The following COL27A1 variants were observed in gnomAD, a reference collection of about 807,000 sequenced individuals.
COL27A1 encodes collagen type XXVII alpha 1 chain.
A neutral mutation model predicts 251.3 loss-of-function variants in COL27A1; 106 were observed. That is an observed-to-expected ratio of 0.42 (90% CI 0.36 to 0.50). COL27A1 has a LOEUF of 0.50. Among genes scored for constraint, COL27A1 ranks in the 20% least tolerant of loss-of-function variants. The probability of loss-of-function intolerance (pLI) is 0.00; values close to 1 mark genes in which losing one functional copy is unlikely to be tolerated. For missense variants in COL27A1, 2,325 were observed against 2,522.8 expected, an observed-to-expected ratio of 0.92 and a Z score of 1.68; for synonymous variants, 1,000 against 986.3, an observed-to-expected ratio of 1.01 and a Z score of -0.26.
At chr9:114,244,652 C>G (rs1297654558) in intron 23 of COL27A1, among the ~76,000 whole-genome samples, 1 of 152,234 alleles carries the variant, frequency 6.6e-6, no homozygotes, top group African/African-American at 2.4e-5. Context: ...CTCTAGTTTT[C>G]ATGAGGTCCA....
chr9:114,285,533 C>T (rs1827411958), intron 41 of COL27A1, among the ~76,000 whole-genome samples: 1 of 152,170 alleles, frequency 6.6e-6, no homozygotes, highest in Non-Finnish European at 1.5e-5. Context: ...GCTTCGCTTG[C>T]CCCCTGCCTC....
At chr9:114,159,005 A>G (rs1848314509) in intron 1 of COL27A1, among the ~76,000 whole-genome samples, 1 of 152,212 alleles carries the variant, frequency 6.6e-6, no homozygotes, top group African/African-American at 2.4e-5. Flanking sequence ...TCTGACCCCT[A>G]GATGATCTTA....
chr9:114,235,004 G>A (rs1832264581), intron 16 of COL27A1, among the ~76,000 whole-genome samples: 1 of 150,922 alleles, frequency 6.6e-6, no homozygotes, highest in South Asian at 2.1e-4. Context: ...ACCTGAGTCC[G>A]GGAGGTCAAA....
Position 114,240,460 on chromosome 9 carries a change from G to A in COL27A1, c.2808G>A (p.Pro936=), listed in dbSNP as rs753347288. The A allele has an allele frequency of 3.7e-5, 59 of 1,612,328 alleles. No individual in the cohort carries two copies. The highest frequency in any genetic ancestry group is 3.0e-4 in the Admixed American group (18 of 59,976). ...MKGKPGARGL[P]GPRGQLGPEG... ...GTAAGCCTGGAGCCCGAGGCCTGCCGGGACCCCGTGGGCAGCTGGGGCCCG... is the reference window on the plus strand; with the variant it reads ...GTAAGCCTGGAGCCCGAGGCCTGCCAGGACCCCGTGGGCAGCTGGGGCCCG... The change falls in exon 21 of 61, where the codon CCG becomes CCA. Residue 936 remains proline, a synonymous_variant. Coordinates refer to ENST00000356083, the MANE Select transcript of COL27A1 (RefSeq NM_032888.4).
intron 10 of COL27A1, 100 bp downstream of exon 10, chr9:114,206,396 C>G: frequency 1.6e-6 from 2 of 1,219,726 alleles, no homozygotes; most frequent in Non-Finnish European, 2.4e-6. Flanking sequence ...TAAGGAGAGC[C>G]AAGGCCCTCC....
At chr9:114,267,437 T>A in intron 33 of COL27A1, 67 bp from the exon 34 acceptor site, 1 of 1,418,602 alleles carries the variant, frequency 7.0e-7, no homozygotes, top group Non-Finnish European at 9.7e-7. Flanking sequence ...GGAGCCTCAG[T>A]TACCCCCTTG....
chr9:114,304,479 C>G (rs143865723), intron 56 of COL27A1, 129 bp from the exon 57 acceptor site: 2 of 768,820 alleles, frequency 2.6e-6, no homozygotes, highest in Admixed American at 4.0e-5. Flanking sequence ...GAGGAAGGAC[C>G]GAGAGTTCTG....
rs558379555 is a variant in COL27A1 at position 114,240,249 on chromosome 9, C to A, written c.2757C>A (p.Gly919=). ...TCCCAGGAGACATCGGCCCCCCTGG[C>A]GACAATGGCCCAGAAGGCATGAAGG... ...EGFPGDIGPP[G]DNGPEGMKGK... Residue 919 remains glycine (G), a synonymous_variant, in exon 20 of 61, where the codon GGC becomes GGA. Transcript: ENST00000356083. 6.2e-7 allele frequency: 1 copy of A among 1,606,640 alleles called. No individual in the cohort carries two copies. The highest frequency in any genetic ancestry group is 8.5e-7 in the Non-Finnish European group (1 of 1,176,160).
chr9:114,237,035 G>C lies in COL27A1; in HGVS notation c.2673+1G>C. 1 of 1,604,984 alleles carries C rather than the reference G, an allele frequency of 6.2e-7. No individual in the cohort carries two copies. The highest frequency in any genetic ancestry group is 8.5e-7 in the Non-Finnish European group (1 of 1,175,616). ...TGCACGGGGGAAGCCAGGGCCTCTG[G>C]TAAGTACCTGCTCCTCCAGCACCCC... is the stretch of plus-strand genomic sequence containing the variant. On this transcript the variant is annotated splice_donor_variant, in intron 18 of 60. Transcript: ENST00000356083. LOFTEE classifies it high-confidence loss of function.
chr9:114,224,700 T>C (rs1199536201), intron 14 of COL27A1, among the ~76,000 whole-genome samples: 2 of 141,600 alleles, frequency 1.4e-5, no homozygotes, highest in African/African-American at 5.3e-5. Flanking sequence ...TCTTCCAGGC[T>C]GGAGTTCAGT....
chr9:114,243,598 G>C, intron 23 of COL27A1, 38 bp downstream of exon 23: 1 of 1,560,248 alleles, frequency 6.4e-7, no homozygotes, highest in Non-Finnish European at 8.8e-7. Flanking sequence ...CAAGAGGAAA[G>C]AGGGGATCCT....
chr9:114,175,433 G>A (rs114621527), intron 3 of COL27A1, among the ~76,000 whole-genome samples: 1 of 152,256 alleles, frequency 6.6e-6, no homozygotes, highest in African/African-American at 2.4e-5. Flanking sequence ...GGGCCAGGGG[G>A]CACCCGTGCT....
rs114606719 is a variant in COL27A1 at position 114,276,885 on chromosome 9, A to G, written c.3717+1117A>G. 3.3e-3 allele frequency among the ~76,000 whole-genome samples: 509 copies of G among 152,362 alleles called. 6 individuals are homozygous for G. The highest frequency in any genetic ancestry group is 0.011 in the African/African-American group (466 of 41,578). On this transcript the variant is annotated intron_variant, in intron 37 of 60. Coordinates refer to ENST00000356083, the MANE Select transcript of COL27A1 (RefSeq NM_032888.4). ...TCAACATGTACAGACAAGTTGCCCA[A>G]TGCTTTCTCGAAGGTTCCCTCTTTG... is the stretch of plus-strand genomic sequence containing the variant.
At chr9:114,242,348 A>C in intron 22 of COL27A1, 117 bp downstream of exon 22, 1 of 828,614 alleles carries the variant, frequency 1.2e-6, no homozygotes, top group East Asian at 2.7e-5. Context: ...GCCTTGGACC[A>C]GCCAGAGAGA....
intron 41 of COL27A1, among the ~76,000 whole-genome samples, chr9:114,288,172 G>A (rs1827645858): frequency 6.6e-6 from 1 of 152,174 alleles, no homozygotes; most frequent in South Asian, 2.1e-4. Context: ...TCCTTTGCAA[G>A]CCGGGATGTG....
At chr9:114,189,011 T>C (rs995064869) in intron 5 of COL27A1, among the ~76,000 whole-genome samples, 3 of 152,318 alleles carry the variant, frequency 2.0e-5, no homozygotes, top group African/African-American at 7.2e-5. Flanking sequence ...AGAGTATTCA[T>C]GATGATTTTC....
chr9:114,215,981 C>T (rs1346214815), intron 12 of COL27A1, among the ~76,000 whole-genome samples: 1 of 152,156 alleles, frequency 6.6e-6, no homozygotes, highest in Non-Finnish European at 1.5e-5. Context: ...TGTATCCTAC[C>T]CGCTGGAGCA....
intron 10 of COL27A1, among the ~76,000 whole-genome samples, chr9:114,208,627 C>T (rs189938278): frequency 1.0e-3 from 155 of 152,108 alleles, no homozygotes; most frequent in African/African-American, 3.5e-3. Context: ...AAGAGTGGCA[C>T]GCAGATAGTG....
intron 1 of COL27A1, among the ~76,000 whole-genome samples, chr9:114,158,088 G>T (rs1053599898): frequency 6.6e-6 from 1 of 152,200 alleles, no homozygotes; most frequent in Non-Finnish European, 1.5e-5. Context: ...AGGCATAGCC[G>T]TCTGGGCACA....
Sources: allele counts gnomAD v4.1 joint callset (sites outside exome capture counted in the v4.1 genomes callset), GRCh38; gene constraint gnomAD v4.1.1; transcripts MANE v1.5; gene names NCBI Gene and HGNC (gene_info 2026-07-23, HGNC 2026-07-21).